Variants in NR3C2 observed in about 807,000 individuals in gnomAD.
NR3C2 encodes mineralocorticoid receptor.
A neutral mutation model predicts 86.4 loss-of-function variants in NR3C2; 15 were observed. The observed-to-expected ratio is 0.17, with a 90% CI of 0.12 to 0.27. NR3C2 has a LOEUF of 0.27. NR3C2 is among the 10% of genes least tolerant of loss of function. The pLI is 1.00. For missense variants in NR3C2, 960 were observed against 1,195.6 expected (o/e 0.80, Z 2.91); for synonymous variants, 458 against 450.5 (o/e 1.02, Z -0.21).
intron 6 of NR3C2, among the ~76,000 whole-genome samples, chr4:148,150,719 G>C (rs1734065061): frequency 6.6e-6 from 1 of 152,164 alleles, no homozygotes. Context: ...TGAATATCCT[G>C]TGAGTATTGA....
chr4:148,301,199 T>TG (rs766449409), intron 2 of NR3C2, among the ~76,000 whole-genome samples: 35 of 152,218 alleles, frequency 2.3e-4, no homozygotes, highest in Non-Finnish European at 4.0e-4. Flanking sequence ...TAGTTATATA[T>TG]GTATTGAGTG....
At chr4:148,100,575 T>G (rs1578881240) in intron 8 of NR3C2, among the ~76,000 whole-genome samples, 1 of 152,158 alleles carries the variant, frequency 6.6e-6, no homozygotes. Context: ...AAATAACAAG[T>G]GATCACAAGG....
At chr4:148,123,901 T>C (rs964274996) in intron 6 of NR3C2, among the ~76,000 whole-genome samples, 17 of 152,252 alleles carry the variant, frequency 1.1e-4, no homozygotes, top group African/African-American at 3.4e-4. Flanking sequence ...TTCTTACTTA[T>C]TGAAGAATGT....
chr4:148,414,965 G>C (rs571282981), intron 2 of NR3C2, among the ~76,000 whole-genome samples: 5 of 152,144 alleles, frequency 3.3e-5, no homozygotes, highest in Non-Finnish European at 7.4e-5. Flanking sequence ...TTTTAAAACA[G>C]TTTTTCATGA....
Position 148,233,736 on chromosome 4 carries a change from TACA to T in NR3C2, c.1897+26239_1897+26241del, listed in dbSNP as rs1738588639. Among the ~76,000 whole-genome samples the T allele has an allele frequency of 2.0e-5, 3 of 152,136 alleles. No individual in the cohort carries two copies. In the South Asian group the frequency reaches 6.2e-4, roughly 32 times the overall value. On this transcript the variant is annotated intron_variant, in intron 3 of 8. Transcript: ENST00000358102. Reference sequence around the variant, plus strand: ...TGGTTGGTGAAGCAGTCAGAACACATACAACATTTGTAATTTATGCTCACCGTC... The same window carrying T: ...TGGTTGGTGAAGCAGTCAGAACACATACATTTGTAATTTATGCTCACCGTC...
chr4:148,365,247 T>C (rs994192338), intron 2 of NR3C2, among the ~76,000 whole-genome samples: 3 of 152,196 alleles, frequency 2.0e-5, no homozygotes, highest in Non-Finnish European at 2.9e-5. Flanking sequence ...GAATATACTG[T>C]GTTGGGGACC....
intron 3 of NR3C2, among the ~76,000 whole-genome samples, chr4:148,235,262 T>TTTTATATATA (rs1553999667): frequency 2.1e-5 from 3 of 143,720 alleles, no homozygotes; most frequent in African/African-American, 7.5e-5. Context: ...TAAGTGGCAA[T>TTTTATATATA]TATATATATA....
intron 2 of NR3C2, among the ~76,000 whole-genome samples, chr4:148,304,402 C>T (rs943125824): frequency 1.4e-5 from 2 of 140,846 alleles, no homozygotes; most frequent in Non-Finnish European, 3.0e-5. Flanking sequence ...TGGTAAAAGG[C>T]CTCGGGATTT....
At chr4:148,238,379 A>T (rs1738847657) in intron 3 of NR3C2, among the ~76,000 whole-genome samples, 1 of 152,210 alleles carries the variant, frequency 6.6e-6, no homozygotes, top group Non-Finnish European at 1.5e-5. Flanking sequence ...CAACAAAAAA[A>T]AGTCATTTTG....
At chr4:148,120,036 T>C in intron 7 of NR3C2, 122 bp downstream of exon 7, 2 of 1,286,282 alleles carry the variant, frequency 1.6e-6, no homozygotes, top group Non-Finnish European at 2.2e-6. Flanking sequence ...ATTTCTTCAG[T>C]GTTTCTGTTT....
At chr4:148,267,293 T>A (rs56705427) in intron 2 of NR3C2, among the ~76,000 whole-genome samples, 6,604 of 143,890 alleles carry the variant, frequency 0.046, 460 homozygotes, top group African/African-American at 0.16. Context: ...TTAATTTTTT[T>A]TTTTTTTAAA....
rs757712786 is a variant in NR3C2, at chr4:148,435,984, G to A, written c.877C>T (p.Leu293=). 32 of 1,614,100 alleles carry A rather than the reference G, an allele frequency of 2.0e-5. No individual in the cohort carries two copies. In the Admixed American group the frequency reaches 5.3e-4, roughly 27 times the overall value. ...GCAGGGCTAGACACAGAGGATCTCAGAGTGACATTATTGGGACTGGAGACT... is the reference window on the plus strand; with the variant it reads ...GCAGGGCTAGACACAGAGGATCTCAAAGTGACATTATTGGGACTGGAGACT... ...SPVSSPNNVT[L]RSSVSSPANI... is the part of the protein sequence containing the mutation. Residue 293 remains leucine, a synonymous_variant, in exon 2 of 9, where the codon CTG becomes TTG. Coordinates refer to ENST00000358102, the MANE Select transcript of NR3C2 (RefSeq NM_000901.5).
At chr4:148,376,812 A>G (rs1361193571) in intron 2 of NR3C2, among the ~76,000 whole-genome samples, 1 of 152,174 alleles carries the variant, frequency 6.6e-6, no homozygotes, top group East Asian at 1.9e-4. Context: ...TAGAGAGTCA[A>G]TCAGTACTTT....
At chr4:148,228,240 T>C (rs1738275541) in intron 3 of NR3C2, among the ~76,000 whole-genome samples, 1 of 150,582 alleles carries the variant, frequency 6.6e-6, no homozygotes. Context: ...ACGTGTATTA[T>C]ATATTTTCTT....
At chr4:148,176,491 TC>T (rs1325908756) in intron 4 of NR3C2, among the ~76,000 whole-genome samples, 1 of 152,106 alleles carries the variant, frequency 6.6e-6, no homozygotes, top group Non-Finnish European at 1.5e-5. Context: ...AGGGACACAG[TC>T]ACATGAAGCC....
chr4:148,086,533 G>C (rs1299121068), intron 8 of NR3C2, among the ~76,000 whole-genome samples: 2 of 152,168 alleles, frequency 1.3e-5, no homozygotes, highest in Non-Finnish European at 2.9e-5. Context: ...TCAGGAGTTT[G>C]AGATCAGCCT....
At chr4:148,414,087 G>A (rs904203836) in intron 2 of NR3C2, among the ~76,000 whole-genome samples, 1 of 152,164 alleles carries the variant, frequency 6.6e-6, no homozygotes, top group Non-Finnish European at 1.5e-5. Flanking sequence ...ATAAGCGATA[G>A]AATACTATCA....
At chr4:148,265,122 T>C (rs1024431050) in intron 2 of NR3C2, among the ~76,000 whole-genome samples, 6 of 152,172 alleles carry the variant, frequency 3.9e-5, no homozygotes, top group African/African-American at 1.4e-4. Flanking sequence ...TAAAATATTA[T>C]AAAGGCAGAA....
At chr4:148,169,237 A>G (rs530935861) in intron 4 of NR3C2, among the ~76,000 whole-genome samples, 2 of 152,286 alleles carry the variant, frequency 1.3e-5, no homozygotes, top group Admixed American at 1.3e-4. Flanking sequence ...TGGTTAAGAA[A>G]TCACTTACAT....
Sources: gnomAD v4.1 joint callset for allele counts (sites outside exome capture counted in the v4.1 genomes callset) on GRCh38, gnomAD v4.1.1 for gene constraint, MANE v1.5 for transcripts, NCBI Gene and HGNC (gene_info 2026-07-23, HGNC 2026-07-21) for gene names.